The following MCF2L variants were observed in gnomAD, a reference collection of about 807,000 sequenced individuals.
The protein encoded by MCF2L is guanine nucleotide exchange factor DBS.
Under a neutral mutation model 153.4 loss-of-function variants are expected in MCF2L, and 97 were observed. The observed-to-expected ratio is 0.63, with a 90% CI of 0.54 to 0.75. The LOEUF is 0.75. Among genes scored for constraint, MCF2L ranks in the 30% least tolerant of loss-of-function variants. The pLI is 0.00. For missense variants in MCF2L, 1,347 were observed against 1,495.2 expected (o/e 0.90, Z 1.64); for synonymous variants, 659 against 632.2 (o/e 1.04, Z -0.64).
In MCF2L at chr13:112,909,298, C is replaced by T. The variant is rs765362339; in HGVS notation, c.169+6927C>T. 21 of 779,642 alleles carry T rather than the reference C, an allele frequency of 2.7e-5. 1 individual carries two copies. Among genetic ancestry groups the T allele is most frequent in the African/African-American group, 1.9e-4 (11 of 59,158 alleles). The allele number at this position is 779,642 out of a possible 1,614,324, so 48.3% of individuals were successfully genotyped here. On this transcript the variant is annotated intron_variant, in intron 2 of 29. Transcript: ENST00000375608. ...CAGTGAGCTGGTGTCCTGCCAGTCT[C>T]GGGAGGCACTCGGCAGTGTGAGTAC...
At chr13:112,898,891 C>A (rs767581616) in intron 1 of MCF2L, among the ~76,000 whole-genome samples, 2 of 152,200 alleles carry the variant, frequency 1.3e-5, no homozygotes, top group African/African-American at 4.8e-5. Context: ...CCTGACTTCT[C>A]GCCACCTGCT....
intron 2 of MCF2L, among the ~76,000 whole-genome samples, chr13:112,959,268 G>A (rs921990149): frequency 2.0e-5 from 3 of 151,962 alleles, no homozygotes; most frequent in Non-Finnish European, 2.9e-5. Context: ...CCCGTCCTCC[G>A]GGTCTCTCCA....
chr13:112,961,131 T>TATGC (rs2081820903), intron 2 of MCF2L, among the ~76,000 whole-genome samples: 1 of 151,726 alleles, frequency 6.6e-6, no homozygotes, highest in Non-Finnish European at 1.5e-5. Flanking sequence ...TTGCACCTGT[T>TATGC]CTCCACGTGT....
At chr13:112,915,365 C>T (rs972441812) in intron 2 of MCF2L, among the ~76,000 whole-genome samples, 80 of 132,756 alleles carry the variant, frequency 6.0e-4, no homozygotes, top group Non-Finnish European at 1.1e-3. Flanking sequence ...GCTGAGATTG[C>T]GCCACTGCAC....
intron 9 of MCF2L, among the ~76,000 whole-genome samples, chr13:113,073,639 G>T (rs1026260810): frequency 2.0e-5 from 3 of 152,330 alleles, no homozygotes; most frequent in Admixed American, 6.5e-5. Flanking sequence ...ATCAGGCCAG[G>T]CATGGTGGCT....
chr13:113,049,534 C>T (rs1007068457), intron 4 of MCF2L, among the ~76,000 whole-genome samples: 4 of 152,238 alleles, frequency 2.6e-5, no homozygotes, highest in Admixed American at 6.5e-5. Flanking sequence ...CCCTGGGCTC[C>T]AGGCCTTGAC....
intron 3 of MCF2L, chr13:113,026,721 C>G (rs1411885827): frequency 5.1e-6 from 3 of 590,800 alleles, no homozygotes; most frequent in African/African-American, 1.9e-5. Context: ...GCCTCCTGCC[C>G]TTTCCAGGAA....
rs973698449 is a variant in MCF2L, at chr13:112,913,690, CTTAGTGCCCTG to C, written c.169+11321_169+11331del. ...TCCTGCCACCTCCCTTGCCCCAGGGCTTAGTGCCCTGTGTGGATCACGGCTGCCCCAGGGAT... is the reference window on the plus strand; with the variant it reads ...TCCTGCCACCTCCCTTGCCCCAGGGCTGTGGATCACGGCTGCCCCAGGGAT... On this transcript the variant is annotated intron_variant, in intron 2 of 29. Coordinates refer to the MCF2L transcript ENST00000375608. Among the ~76,000 whole-genome samples, 122 of 152,298 alleles carry C rather than the reference CTTAGTGCCCTG, an allele frequency of 8.0e-4. 1 individual carries two copies. Among genetic ancestry groups the C allele is most frequent in the African/African-American group, 2.9e-3 (119 of 41,538 alleles).
chr13:113,094,513 G>A lies in MCF2L; in HGVS notation c.2954-1G>A. 1 of 1,610,678 alleles carries A rather than the reference G, an allele frequency of 6.2e-7. No homozygotes were observed. Among genetic ancestry groups the A allele is most frequent in the Non-Finnish European group, 8.5e-7 (1 of 1,178,860 alleles). On this transcript the variant is annotated splice_acceptor_variant, in intron 26 of 29. Transcript: ENST00000535094. LOFTEE classifies it high-confidence loss of function. ...CCCTCACGGGTGTCTGTCTCTCTTA[G>A]GTTGGAGCAAAACGTCCCACTCACT...
At chr13:112,987,349 C>G (rs978817577) in intron 1 of MCF2L, among the ~76,000 whole-genome samples, 2 of 152,260 alleles carry the variant, frequency 1.3e-5, no homozygotes, top group Non-Finnish European at 2.9e-5. Flanking sequence ...TGTCTGCCCC[C>G]TGATCCACCC....
chr13:112,984,099 A>G (rs1594479611), intron 1 of MCF2L, among the ~76,000 whole-genome samples: 1 of 152,190 alleles, frequency 6.6e-6, no homozygotes, highest in Non-Finnish European at 1.5e-5. Context: ...AGATACCACC[A>G]TACTTCAGAG....
intron 23 of MCF2L, 74 bp from the exon 24 acceptor site, chr13:113,088,253 C>T (rs1342365144): frequency 1.9e-5 from 24 of 1,242,164 alleles, no homozygotes; most frequent in Non-Finnish European, 2.9e-5. Context: ...TTTGGATGTT[C>T]CGAGAGTGAA....
At chr13:112,900,710 G>A (rs1405308803) in intron 1 of MCF2L, among the ~76,000 whole-genome samples, 3 of 152,108 alleles carry the variant, frequency 2.0e-5, no homozygotes, top group Non-Finnish European at 2.9e-5. Context: ...AGAGTGTTTG[G>A]GACCTGGACT....
At chr13:113,067,135 G>A (rs1594914812) in intron 8 of MCF2L, among the ~76,000 whole-genome samples, 2 of 152,280 alleles carry the variant, frequency 1.3e-5, no homozygotes, top group Non-Finnish European at 2.9e-5. Context: ...GTAAAGTGAC[G>A]CTGATCCGTG....
intron 2 of MCF2L, among the ~76,000 whole-genome samples, chr13:112,926,149 C>T (rs1038239359): frequency 6.6e-6 from 1 of 152,140 alleles, no homozygotes; most frequent in African/African-American, 2.4e-5. Context: ...GTTTGCACAG[C>T]GGAGTGCGGT....
Position 113,045,316 on chromosome 13 carries a change from A to T in MCF2L, c.324A>T (p.Arg108=), listed in dbSNP as rs775007758. ...GIGFILVIDR[R]RDKWTSVKAS... ...GATTCATCCTGGTGATAGACCGGCG[A>T]CGGGACAAATGGACCTCCGTGAAGG... The change falls in exon 4 of 30, where the codon CGA becomes CGT. Residue 108 remains arginine, a synonymous_variant. Coordinates refer to ENST00000535094, the MANE Select transcript of MCF2L (RefSeq NM_001112732.3). This position sits in a 1 kb window ranked among gnomAD's most constrained non-coding sequence, Gnocchi z 4.2. The T allele has an allele frequency of 1.2e-6, 2 of 1,613,944 alleles. No individual in the cohort carries two copies. Among genetic ancestry groups the T allele is most frequent in the Admixed American group, 3.3e-5 (2 of 60,006 alleles).
chr13:113,091,870 T>TC (rs1349490438), intron 26 of MCF2L, among the ~76,000 whole-genome samples: 1 of 152,284 alleles, frequency 6.6e-6, no homozygotes, highest in East Asian at 1.9e-4. Flanking sequence ...TTGCAAAGGT[T>TC]CCCAGGGGTG....
chr13:112,998,632 G>A (rs2083236072), intron 1 of MCF2L, among the ~76,000 whole-genome samples: 1 of 152,222 alleles, frequency 6.6e-6, no homozygotes, highest in Non-Finnish European at 1.5e-5. Context: ...TGTGTGTCTG[G>A]CATCGACTTG....
chr13:113,094,979 A>G, intron 27 of MCF2L: 1 of 1,380,460 alleles, frequency 7.2e-7, no homozygotes, highest in Middle Eastern at 2.1e-4. Context: ...GTGCCCACCC[A>G]GCCTCCTGTA....
Sources: gnomAD v4.1 joint callset for allele counts (sites outside exome capture counted in the v4.1 genomes callset) on GRCh38, gnomAD v4.1.1 for gene constraint, Gnocchi (gnomAD v3.1) non-coding constraint, MANE v1.5 for transcripts, NCBI Gene and HGNC (gene_info 2026-07-23, HGNC 2026-07-21) for gene names.